Variants in CTBS observed in about 807,000 individuals in gnomAD.
The protein encoded by CTBS is chitobiase, also known as di-N-acetylchitobiase.
CTBS carries 35 observed loss-of-function variants against 44.3 expected under a neutral mutation model. That is an observed-to-expected ratio of 0.79 (90% CI 0.60 to 1.05). CTBS has a LOEUF of 1.05. CTBS is among the 50% of genes least tolerant of loss of function. CTBS has a pLI of 0.00. For missense variants in CTBS, 458 were observed against 475.3 expected, an observed-to-expected ratio of 0.96 and a Z score of 0.34; for synonymous variants, 143 against 168.0, an observed-to-expected ratio of 0.85 and a Z score of 1.15.
rs998756788 is a variant in CTBS at position 84,563,799 on chromosome 1, G to C, written c.731C>G (p.Pro244Arg). The C allele has an allele frequency of 5.0e-6, 8 of 1,607,946 alleles. No homozygotes were observed. Among genetic ancestry groups the C allele is most frequent in the Non-Finnish European group, 6.8e-6 (8 of 1,176,720 alleles). ...AGGAACACCCATTACAAGTTTCTTA[G>C]GATTAATGCTCATCTTGATGTAGTC... The part of the protein sequence containing the change: ...YNDYIKMSIN[P>R]KKLVMGVPWY... The change falls in exon 5 of 7, where the codon CCT becomes CGT. Residue 244 changes from proline to arginine, a missense_variant. Coordinates refer to ENST00000370630, the MANE Select transcript of CTBS (RefSeq NM_004388.3).
Position 84,563,265 on chromosome 1 carries a change from TATA to T in CTBS, c.946_948del (p.Tyr316del), listed in dbSNP as rs750458187. On this transcript the variant is annotated inframe_deletion, in exon 6 of 7. Coordinates refer to ENST00000370630, the MANE Select transcript of CTBS (RefSeq NM_004388.3). The stretch of plus-strand genomic sequence containing the variant: ...CTTACGAAAAGTCTTACTTTATAGT[TATA>T]ATAAGGAGCCCGCTGATCTTTATCC... The T allele has an allele frequency of 6.5e-7, 1 of 1,541,220 alleles. No homozygotes were observed. The highest frequency in any genetic ancestry group is 8.7e-7 in the Non-Finnish European group (1 of 1,147,196).
chr1:84,571,681 G>A (rs1001146957), intron 1 of CTBS, among the ~76,000 whole-genome samples: 1 of 152,172 alleles, frequency 6.6e-6, no homozygotes, highest in African/African-American at 2.4e-5. Flanking sequence ...AGATTAATGA[G>A]AGAGACCAGG....
intron 3 of CTBS, among the ~76,000 whole-genome samples, chr1:84,568,139 T>C (rs1380963295): frequency 6.6e-6 from 1 of 152,228 alleles, no homozygotes; most frequent in African/African-American, 2.4e-5. Flanking sequence ...CAAATTGTTC[T>C]CCTCACCTCT....
At chr1:84,558,615 AAG>A (rs1401640235) in intron 6 of CTBS, among the ~76,000 whole-genome samples, 10 of 151,342 alleles carry the variant, frequency 6.6e-5, no homozygotes, top group Non-Finnish European at 1.3e-4. Flanking sequence ...AAAAAAAAAA[AAG>A]AGGCCAAGTG....
chr1:84,557,649 A>C (rs1192983067), intron 6 of CTBS, among the ~76,000 whole-genome samples: 1 of 151,354 alleles, frequency 6.6e-6, no homozygotes, highest in Non-Finnish European at 1.5e-5. Context: ...AGGTCAGGAG[A>C]TCGAGACCAT....
At position 84,573,799 on chromosome 1, in the gene CTBS, G is replaced by A. The variant is rs993969268; in HGVS notation, c.177+440C>T. ...TGAGGTACTTTAAAGGAAAGGGCTA[G>A]CAGGTATAGAAAACTAAAGGTAAGC... On this transcript the variant is annotated intron_variant, in intron 1 of 6. Coordinates refer to ENST00000370630, the MANE Select transcript of CTBS (RefSeq NM_004388.3). 4 of 728,336 alleles carry A rather than the reference G, an allele frequency of 5.5e-6. No homozygotes were observed. In the African/African-American group the frequency reaches 5.8e-5, roughly 10 times the overall value. 45.1% of individuals were successfully genotyped at this position (728,336 alleles called of 1,614,324 possible).
chr1:84,571,413 G>C (rs1365787032), intron 1 of CTBS, among the ~76,000 whole-genome samples: 1 of 152,222 alleles, frequency 6.6e-6, no homozygotes, highest in Admixed American at 6.5e-5. Flanking sequence ...GGCTACTGCA[G>C]ATGGAGCCAT....
chr1:84,573,726 G>A (rs1048878912), intron 1 of CTBS, among the ~76,000 whole-genome samples: 1 of 152,204 alleles, frequency 6.6e-6, no homozygotes, highest in African/African-American at 2.4e-5. Context: ...TAGATAGAAG[G>A]AAAATGTACT....
intron 3 of CTBS, among the ~76,000 whole-genome samples, chr1:84,566,650 G>A (rs544748354): frequency 6.6e-6 from 1 of 152,158 alleles, no homozygotes; most frequent in Admixed American, 6.5e-5. Context: ...CTTTTTTGGG[G>A]GGGATGGAGT....
chr1:84,563,674 CAG>C (rs1281131191), intron 5 of CTBS, 59 bp downstream of exon 5: 3 of 1,004,656 alleles, frequency 3.0e-6, no homozygotes, highest in African/African-American at 1.7e-5. Flanking sequence ...CTAATGAAAA[CAG>C]AGAGACTCTA....
At position 84,551,498 on chromosome 1, in the gene CTBS, C is replaced by G. The variant is rs563076953; in HGVS notation, c.*3501G>C. On this transcript the variant is annotated 3_prime_UTR_variant, in exon 7 of 7. Coordinates refer to ENST00000370630, the MANE Select transcript of CTBS (RefSeq NM_004388.3). Reference sequence around the variant, plus strand: ...ACTAGCCACCTATTGATATTGAGCACTTGAAATGTAGTTTGTGTGACTGAG... The same window carrying G: ...ACTAGCCACCTATTGATATTGAGCAGTTGAAATGTAGTTTGTGTGACTGAG... The G allele has an allele frequency of 4.3e-5, 7 of 163,034 alleles. No homozygotes were observed. In the East Asian group the frequency reaches 1.3e-3, roughly 31 times the overall value. 10.1% of individuals were successfully genotyped at this position (163,034 alleles called of 1,614,324 possible).
chr1:84,557,271 G>A (rs1486887919), intron 6 of CTBS, among the ~76,000 whole-genome samples: 2 of 152,082 alleles, frequency 1.3e-5, no homozygotes, highest in African/African-American at 4.8e-5. Flanking sequence ...GATGGCTTAC[G>A]CCTGTAATCC....
In CTBS at chr1:84,574,385, G is replaced by C. The variant is rs770545131; in HGVS notation, c.31C>G (p.Leu11Val). 4 of 1,562,548 alleles carry C rather than the reference G, an allele frequency of 2.6e-6. No homozygotes were observed. The highest frequency in any genetic ancestry group is 1.9e-5 in the Admixed American group (1 of 52,888). Residue 11 changes from leucine to valine, a missense_variant, in exon 1 of 7, where the codon CTC becomes GTC. Coordinates refer to ENST00000370630, the MANE Select transcript of CTBS (RefSeq NM_004388.3). The part of the protein sequence containing the change: MSRPQLRRWR[L>V]VSSPPSGVPG... ...ACGCCGCTCGGCGGGCTAGAGACGA[G>C]GCGCCAGCGTCGAAGCTGCGGCCGG... is the stretch of plus-strand genomic sequence containing the variant.
chr1:84,568,645 G>A (rs1570475023), intron 3 of CTBS, among the ~76,000 whole-genome samples: 1 of 152,006 alleles, frequency 6.6e-6, no homozygotes, highest in African/African-American at 2.4e-5. Context: ...CTGTGTCCCC[G>A]CCCAAATCTC....
At position 84,551,433 on chromosome 1, in the gene CTBS, G is replaced by T. The variant is rs1350253319; in HGVS notation, c.*3566C>A. ...CACTGTCCAACAGAACTTATGTGATGATAGAAATGTTCTATGCCTGCACTG... is the reference window on the plus strand; with the variant it reads ...CACTGTCCAACAGAACTTATGTGATTATAGAAATGTTCTATGCCTGCACTG... On this transcript the variant is annotated 3_prime_UTR_variant, in exon 7 of 7. Transcript: ENST00000370630. 1 of 390,306 alleles carries T rather than the reference G, an allele frequency of 2.6e-6. No homozygotes were observed. The highest frequency in any genetic ancestry group is 3.5e-6 in the Non-Finnish European group (1 of 286,496). The allele number at this position is 390,306 out of a possible 1,614,324, so 24.2% of individuals were successfully genotyped here.
At chr1:84,560,774 T>C (rs1303521923) in intron 6 of CTBS, among the ~76,000 whole-genome samples, 1 of 152,166 alleles carries the variant, frequency 6.6e-6, no homozygotes, top group East Asian at 1.9e-4. Context: ...TTAAGAATTA[T>C]GCTAAATTGA....
At chr1:84,557,535 A>G (rs1684473425) in intron 6 of CTBS, among the ~76,000 whole-genome samples, 2 of 79,718 alleles carry the variant, frequency 2.5e-5, no homozygotes, top group African/African-American at 5.4e-5. Context: ...CTCCATCTCA[A>G]AAAAAAAAAA....
chr1:84,571,057 A>G (rs1343986654), intron 1 of CTBS, among the ~76,000 whole-genome samples: 2 of 152,218 alleles, frequency 1.3e-5, no homozygotes, highest in African/African-American at 4.8e-5. Context: ...GCATGGATTA[A>G]ATCATGAAAG....
At chr1:84,563,881 A>C in intron 4 of CTBS, 49 bp from the exon 5 acceptor site, 1 of 1,572,986 alleles carries the variant, frequency 6.4e-7, no homozygotes, top group Non-Finnish European at 8.6e-7. Context: ...TCATATGTCA[A>C]TGTGTTCATA....
Sources: gnomAD v4.1 joint callset for allele counts (sites outside exome capture counted in the v4.1 genomes callset) on GRCh38, gnomAD v4.1.1 for gene constraint, MANE v1.5 for transcripts, NCBI Gene and HGNC (gene_info 2026-07-23, HGNC 2026-07-21) for gene names.